The following XRN2 variants were observed in gnomAD, a reference collection of about 807,000 sequenced individuals.
XRN2 encodes 5'-3' exoribonuclease 2, also known as DHM1-like protein.
In XRN2, 44 loss-of-function variants were observed where a neutral mutation model predicts 138.5. That is an observed-to-expected ratio of 0.32 (90% confidence interval 0.25 to 0.41). The LOEUF (loss-of-function observed/expected upper bound fraction) is 0.41, where lower values mean the gene tolerates loss of function less well. XRN2 is among the 10% of genes least tolerant of loss of function. The pLI, the probability that XRN2 is intolerant of heterozygous loss-of-function variation, is 1.00. For missense variants in XRN2, 937 were observed against 1,169.3 expected (o/e 0.80, Z 2.90); for synonymous variants, 354 against 369.4 (o/e 0.96, Z 0.48).
chr20:21,339,214 AG>A, intron 14 of XRN2, 126 bp downstream of exon 14: 1 of 911,164 alleles, frequency 1.1e-6, no homozygotes, highest in South Asian at 1.7e-5. Flanking sequence ...GTGTCCACCC[AG>A]TTACCTTTTT....
intron 3 of XRN2, 151 bp downstream of exon 3, chr20:21,326,752 T>G: frequency 1.5e-6 from 1 of 680,010 alleles, no homozygotes; most frequent in East Asian, 2.7e-5. Context: ...TTCAGATGTT[T>G]TTTTGTGTGT....
At chr20:21,330,745 A>G (rs768111860) in intron 6 of XRN2, 40 bp downstream of exon 6, 2 of 1,556,290 alleles carry the variant, frequency 1.3e-6, no homozygotes, top group Non-Finnish European at 1.8e-6. Flanking sequence ...GATTAGGGTG[A>G]TCATTCGAGG....
At chr20:21,332,700 A>G (rs1036907120) in intron 9 of XRN2, among the ~76,000 whole-genome samples, 11 of 151,972 alleles carry the variant, frequency 7.2e-5, no homozygotes, top group African/African-American at 2.7e-4. Context: ...CTCGACAGAG[A>G]CGAATCTTTT....
chr20:21,333,728 G>A lies in XRN2; in HGVS notation c.958G>A (p.Ala320Thr). The A allele has an allele frequency of 6.2e-7, 1 of 1,614,050 alleles. No individual in the cohort carries two copies. The highest frequency in any genetic ancestry group is 8.5e-7 in the Non-Finnish European group (1 of 1,179,986). Reference protein sequence around the residue: ...REYLERELTMASLPFTFDVER... With the variant: ...REYLERELTMTSLPFTFDVER... ...GTATTTGGAAAGAGAACTCACAATG[G>A]CCAGCCTACCATTCACATTTGATGT... Residue 320 changes from alanine (A) to threonine (T), a missense_variant, in exon 11 of 30, where the codon GCC becomes ACC. By Grantham distance (58) the Ala-to-Thr change is moderately conservative. Transcript: ENST00000377191.
At chr20:21,333,057 G>T (rs192451916) in intron 9 of XRN2, among the ~76,000 whole-genome samples, 11 of 151,974 alleles carry the variant, frequency 7.2e-5, no homozygotes, top group African/African-American at 2.4e-4. Flanking sequence ...CAAAGACATC[G>T]TTAAGTGAAA....
intron 3 of XRN2, among the ~76,000 whole-genome samples, chr20:21,327,794 G>T (rs1434868625): frequency 6.6e-6 from 1 of 152,022 alleles, no homozygotes; most frequent in Non-Finnish European, 1.5e-5. Flanking sequence ...TACAGAAAAG[G>T]GAATTGTTTA....
intron 27 of XRN2, among the ~76,000 whole-genome samples, chr20:21,381,029 T>C (rs904781840): frequency 9.8e-5 from 15 of 152,356 alleles, no homozygotes; most frequent in African/African-American, 3.6e-4. Context: ...ACTTTTTTCT[T>C]TCTCTCTCTT....
chr20:21,372,870 A>G (rs918940518), intron 27 of XRN2, among the ~76,000 whole-genome samples: 3 of 152,080 alleles, frequency 2.0e-5, no homozygotes, highest in African/African-American at 7.2e-5. Context: ...ATAGTATCAT[A>G]CATTACCTTT....
chr20:21,376,451 T>C (rs1190573711), intron 27 of XRN2, among the ~76,000 whole-genome samples: 1 of 152,242 alleles, frequency 6.6e-6, no homozygotes, highest in East Asian at 1.9e-4. Context: ...GTCATATTTT[T>C]ACTGACCAGT....
At chr20:21,328,756 G>A (rs969201789) in intron 4 of XRN2, 86 bp downstream of exon 4, 4 of 1,195,770 alleles carry the variant, frequency 3.3e-6, no homozygotes, top group Non-Finnish European at 4.8e-6. Flanking sequence ...TTACAAAGAG[G>A]CAAGCTTTTA....
In XRN2 at chr20:21,348,411, G is replaced by A. The variant is rs376273044; in HGVS notation, c.1844G>A (p.Arg615Gln). ...GGTAATTTTCTACCTCCATCATGGC[G>A]GAAGCTCATGAGTGATCCTGTGAGT... The part of the protein sequence containing the change: ...ASGNFLPPSW[R>Q]KLMSDPDSSI... Residue 615 changes from arginine to glutamine, a missense_variant, in exon 19 of 30, where the codon CGG becomes CAG. Physicochemically the swap from Arg to Gln is conservative, Grantham distance 43. This residue lies in a region of XRN2 where 372 missense variants were observed against 414.4 expected (regional missense o/e 0.90). Coordinates refer to ENST00000377191, the MANE Select transcript of XRN2 (RefSeq NM_012255.5). The A allele has an allele frequency of 2.2e-5, 35 of 1,613,966 alleles. No individual in the cohort carries two copies. The highest frequency in any genetic ancestry group is 9.9e-5 in the South Asian group (9 of 91,074).
chr20:21,357,173 A>C (rs1045832746), intron 23 of XRN2, among the ~76,000 whole-genome samples: 2 of 152,204 alleles, frequency 1.3e-5, no homozygotes, highest in African/African-American at 2.4e-5. Flanking sequence ...CTTAGTCATA[A>C]TTTTTAATGG....
chr20:21,328,551 A>AT lies in XRN2; in HGVS notation c.316-4dup. 6.2e-7 allele frequency: 1 copy of AT among 1,611,884 alleles called. No homozygotes were observed. The highest frequency in any genetic ancestry group is 2.2e-5 in the East Asian group (1 of 44,872). On this transcript the variant is annotated splice_polypyrimidine_tract_variant and splice_region_variant and intron_variant, in intron 3 of 29. Transcript: ENST00000377191. ...ATGAGTGTTATGGAATATGAAATAC[A>AT]TTTTCAGGCACCACGTGCTAAAATG...
At position 21,303,369 on chromosome 20, in the gene XRN2, G is replaced by C. The variant is rs891230901; in HGVS notation, c.-30G>C. ...TCTCTTTGGTTACGCTCGTCAGCCG[G>C]TCGGCCGCCGCCTCCAGCCGTGTGC... On this transcript the variant is annotated 5_prime_UTR_variant, in exon 1 of 30. Transcript: ENST00000377191. The C allele has an allele frequency of 1.9e-6, 3 of 1,541,766 alleles. No individual in the cohort carries two copies. The highest frequency in any genetic ancestry group is 2.8e-5 in the African/African-American group (2 of 71,370).
intron 27 of XRN2, among the ~76,000 whole-genome samples, chr20:21,375,882 A>G (rs1377818858): frequency 6.6e-6 from 1 of 151,588 alleles, no homozygotes; most frequent in Admixed American, 6.6e-5. Flanking sequence ...TCTGTCGCCC[A>G]GGCTGGAGTG....
In XRN2 at chr20:21,332,348, A is replaced by T. The variant is rs772253737; in HGVS notation, c.766A>T (p.Lys256Ter). The change falls in exon 9 of 30, where the codon AAA becomes TAA. Residue 256 changes from lysine (K) to a stop codon, truncating the protein, a stop_gained. Transcript: ENST00000377191. LOFTEE classifies it high-confidence loss of function. ...PNFTIIREEF[K>*]PNKPKPCGLC... ...CTTTACCATTATTAGAGAAGAATTC[A>T]AACCAAACAAGCCCAAACCATGTGG... 1 of 1,614,006 alleles carries T rather than the reference A, an allele frequency of 6.2e-7. No individual in the cohort carries two copies. The highest frequency in any genetic ancestry group is 8.5e-7 in the Non-Finnish European group (1 of 1,179,896).
chr20:21,315,199 C>G (rs1568566933), intron 1 of XRN2, among the ~76,000 whole-genome samples: 1 of 152,214 alleles, frequency 6.6e-6, no homozygotes, highest in East Asian at 1.9e-4. Flanking sequence ...CATTTTCAGG[C>G]AGTTCTTCCC....
intron 16 of XRN2, 49 bp from the exon 17 acceptor site, chr20:21,346,366 T>C: frequency 6.2e-7 from 1 of 1,604,618 alleles, no homozygotes; most frequent in Non-Finnish European, 8.5e-7. Flanking sequence ...AGACAGCCTG[T>C]TACTGAAGGT....
intron 17 of XRN2, among the ~76,000 whole-genome samples, chr20:21,346,892 C>T (rs2038443635): frequency 6.6e-6 from 1 of 152,154 alleles, no homozygotes; most frequent in Non-Finnish European, 1.5e-5. Flanking sequence ...AGTGGGATTA[C>T]AGGCATGAAC....
Sources: gnomAD v4.1 joint callset for allele counts (sites outside exome capture counted in the v4.1 genomes callset) on GRCh38, gnomAD v4.1.1 for gene constraint, gnomAD v4.1.1 regional missense constraint, MANE v1.5 for transcripts, NCBI Gene and HGNC (gene_info 2026-07-23, HGNC 2026-07-21) for gene names.